The following TMIGD3 variants were observed in gnomAD, a reference collection of about 807,000 sequenced individuals.
TMIGD3 encodes AD026 protein (AD026).
Under a neutral mutation model 28.1 loss-of-function variants are expected in TMIGD3, and 21 were observed. That is an observed-to-expected ratio of 0.75 (90% CI 0.53 to 1.08). TMIGD3 has a LOEUF of 1.08. Ranked by LOEUF, TMIGD3 falls within the 50% of genes least tolerant of loss-of-function variation. The pLI, the probability that TMIGD3 is intolerant of heterozygous loss-of-function variation, is 0.00. For synonymous variants in TMIGD3, 151 were observed against 162.1 expected (o/e 0.93, Z 0.52); for missense variants, 416 against 435.6 (o/e 0.96, Z 0.40).
intron 1 of TMIGD3, among the ~76,000 whole-genome samples, chr1:111,562,056 C>T (rs1160171504): frequency 6.6e-6 from 1 of 152,156 alleles, no homozygotes; most frequent in African/African-American, 2.4e-5. Context: ...TCAACTGGGA[C>T]AGCCACCCCA....
intron 1 of TMIGD3, among the ~76,000 whole-genome samples, chr1:111,494,566 A>G (rs1399071498): frequency 6.6e-6 from 1 of 152,248 alleles, no homozygotes; most frequent in African/African-American, 2.4e-5. Flanking sequence ...ATGCTCATAG[A>G]TAGGAAGAAT....
At chr1:111,519,912 C>T (rs1419982677) in intron 1 of TMIGD3, among the ~76,000 whole-genome samples, 1 of 152,062 alleles carries the variant, frequency 6.6e-6, no homozygotes, top group African/African-American at 2.4e-5. Context: ...AGGCTGGTCT[C>T]GAACTCCTGA....
intron 1 of TMIGD3, among the ~76,000 whole-genome samples, chr1:111,553,542 G>T (rs969620132): frequency 4.6e-5 from 7 of 152,072 alleles, no homozygotes; most frequent in East Asian, 1.9e-4. Flanking sequence ...ACTTCTAGCC[G>T]GTATGCTGTT....
At chr1:111,538,753 G>C (rs955374239) in intron 1 of TMIGD3, among the ~76,000 whole-genome samples, 2 of 152,132 alleles carry the variant, frequency 1.3e-5, no homozygotes, top group East Asian at 3.8e-4. Flanking sequence ...AAGGGTTCAC[G>C]GGGCCTCTGG....
At chr1:111,526,268 A>G (rs1381535485) in intron 1 of TMIGD3, among the ~76,000 whole-genome samples, 2 of 151,972 alleles carry the variant, frequency 1.3e-5, no homozygotes, top group Non-Finnish European at 2.9e-5. Context: ...CATAATCTCC[A>G]TGTGTGGTGG....
intron 1 of TMIGD3, among the ~76,000 whole-genome samples, chr1:111,524,289 A>G (rs916176151): frequency 3.3e-5 from 5 of 151,812 alleles, no homozygotes; most frequent in Admixed American, 1.3e-4. Context: ...TTAGCCTCCT[A>G]AGGTGCTGGG....
intron 1 of TMIGD3, among the ~76,000 whole-genome samples, chr1:111,561,614 A>G (rs1657740412): frequency 6.6e-6 from 1 of 152,236 alleles, no homozygotes; most frequent in Non-Finnish European, 1.5e-5. Context: ...AGAAGGTCAC[A>G]GAATTTTATT....
intron 1 of TMIGD3, among the ~76,000 whole-genome samples, chr1:111,522,862 A>G (rs1019576776): frequency 2.0e-5 from 3 of 152,176 alleles, no homozygotes; most frequent in African/African-American, 7.2e-5. Flanking sequence ...ACTAGAATAG[A>G]GAAATACAAT....
intron 1 of TMIGD3, chr1:111,499,944 G>A: frequency 6.2e-7 from 1 of 1,612,772 alleles, no homozygotes; most frequent in Non-Finnish European, 8.5e-7. Flanking sequence ...CATCTCTGAT[G>A]GATAACTACT....
chr1:111,538,340 C>T (rs955226887), intron 1 of TMIGD3, among the ~76,000 whole-genome samples: 2 of 152,142 alleles, frequency 1.3e-5, no homozygotes, highest in African/African-American at 4.8e-5. Flanking sequence ...TCACTCACTC[C>T]CCTCCATGTG....
At chr1:111,548,626 T>A (rs959402236) in intron 1 of TMIGD3, among the ~76,000 whole-genome samples, 3 of 152,222 alleles carry the variant, frequency 2.0e-5, no homozygotes, top group East Asian at 1.9e-4. Flanking sequence ...TAATCGTTGA[T>A]CCTCTTCAAT....
chr1:111,492,442 G>T (rs1394514996), intron 1 of TMIGD3, among the ~76,000 whole-genome samples: 1 of 152,188 alleles, frequency 6.6e-6, no homozygotes, highest in African/African-American at 2.4e-5. Flanking sequence ...ATTGCTCAGA[G>T]ATGGCAACAT....
intron 1 of TMIGD3, among the ~76,000 whole-genome samples, chr1:111,561,312 C>T (rs766913045): frequency 2.0e-5 from 3 of 152,048 alleles, no homozygotes; most frequent in Admixed American, 6.6e-5. Context: ...TTTGTAAAGA[C>T]GGGGTTTTGC....
rs200696519 is a variant in TMIGD3 at position 111,528,022 on chromosome 1, A to AT, written c.107+35823dup. On this transcript the variant is annotated intron_variant, in intron 1 of 5. Transcript: ENST00000369717. ...TTTTGTAATGAAGTCTAGCTTGTCA[A>AT]TTTTTTTTTTCATGGATCACGCTTT... Among the ~76,000 whole-genome samples, 1,142 of 149,570 alleles carry AT rather than the reference A, an allele frequency of 7.6e-3. 10 individuals carry two copies. The highest frequency in any genetic ancestry group is 0.014 in the African/African-American group (555 of 40,802).
rs182732623 is a variant in TMIGD3, at chr1:111,525,249, T to C, written c.108-34487A>G. Among the ~76,000 whole-genome samples, 94 of 152,352 alleles carry C rather than the reference T, an allele frequency of 6.2e-4. 1 individual carries two copies. Among genetic ancestry groups the C allele is most frequent in the Non-Finnish European group, 4.4e-5 (3 of 68,038 alleles). ...GACTTCCTGTCTACTTGTTCTAAAA[T>C]TACTGAGGGAGAGGATTTAAAATTT... On this transcript the variant is annotated intron_variant, in intron 1 of 5. Transcript: ENST00000369717.
chr1:111,507,057 A>C (rs1049257171), upstream of TMIGD3, among the ~76,000 whole-genome samples: 1 of 121,962 alleles, frequency 8.2e-6, no homozygotes, highest in Non-Finnish European at 1.7e-5. Context: ...ATATATATAT[A>C]TATGTTAACT....
At chr1:111,524,902 G>A (rs1305412624) in intron 1 of TMIGD3, among the ~76,000 whole-genome samples, 1 of 152,202 alleles carries the variant, frequency 6.6e-6, no homozygotes, top group East Asian at 1.9e-4. Flanking sequence ...TTACAGGCAT[G>A]AGCCACCCCT....
chr1:111,537,432 C>G (rs1327398724), intron 1 of TMIGD3, among the ~76,000 whole-genome samples: 1 of 152,234 alleles, frequency 6.6e-6, no homozygotes, highest in African/African-American at 2.4e-5. Flanking sequence ...TGCTGAGCAT[C>G]TGACATCAGG....
intron 1 of TMIGD3, among the ~76,000 whole-genome samples, chr1:111,537,741 T>C (rs1656687409): frequency 1.3e-5 from 2 of 152,220 alleles, no homozygotes; most frequent in South Asian, 4.1e-4. Flanking sequence ...AAATATTACA[T>C]CTCTGAAAGA....
Sources: gnomAD v4.1 joint callset for allele counts (sites outside exome capture counted in the v4.1 genomes callset) on GRCh38, gnomAD v4.1.1 for gene constraint, MANE v1.5 for transcripts, NCBI Gene and HGNC (gene_info 2026-07-23, HGNC 2026-07-21) for gene names.